Variants in ATAD3A observed in about 807,000 individuals in gnomAD.
ATAD3A encodes the protein ATPase family AAA domain containing 3A, also known as ATPase family AAA domain-containing protein 3A.
ATAD3A carries 46 observed loss-of-function variants against 73.8 expected under a neutral mutation model. That is an observed-to-expected ratio of 0.62 (90% CI 0.49 to 0.80). The LOEUF (loss-of-function observed/expected upper bound fraction) is 0.80. ATAD3A is among the 30% of genes least tolerant of loss of function. ATAD3A has a pLI of 0.00. For missense variants in ATAD3A, 705 were observed against 838.0 expected (o/e 0.84, Z 1.96); for synonymous variants, 319 against 350.0 (o/e 0.91, Z 0.99).
intron 15 of ATAD3A, among the ~76,000 whole-genome samples, chr1:1,532,550 C>T (rs1201183792): frequency 2.6e-5 from 4 of 152,168 alleles, no homozygotes; most frequent in Non-Finnish European, 5.9e-5. Flanking sequence ...CTGGGTTTTG[C>T]CCCAGAATCC....
chr1:1,533,933 C>T lies in ATAD3A; in HGVS notation c.1622C>T (p.Ala541Val), dbSNP rs761817479. The T allele has an allele frequency of 4.5e-5, 72 of 1,612,788 alleles. No homozygotes were observed. The highest frequency in any genetic ancestry group is 1.2e-4 in the South Asian group (11 of 91,060). Residue 541 changes from alanine (A) to valine (V), a missense_variant, in exon 16 of 16, where the codon GCG (alanine) becomes GTG (valine). Physicochemically the swap from Ala to Val is moderately conservative, Grantham distance 64 (BLOSUM62 0). Around this residue, in one of 5 missense-constraint regions of ATAD3A, gnomAD observed 252 missense variants for 278.5 expected, o/e 0.90. Coordinates refer to ENST00000378756, the MANE Select transcript of ATAD3A (RefSeq NM_001170535.3). ...AQLAVSWQAT[A>V]YASEDGVLTE... ...TGCCTCTCTCCCCACTAGGCCACGG[C>T]GTATGCCTCCGAGGACGGGGTCCTG...
intron 1 of ATAD3A, among the ~76,000 whole-genome samples, chr1:1,512,910 C>T (rs1641247393): frequency 6.6e-6 from 1 of 152,126 alleles, no homozygotes; most frequent in Admixed American, 6.5e-5. Context: ...TTACTTGATT[C>T]TAACGAGACT....
At chr1:1,530,405 A>G (rs1324487406) in intron 15 of ATAD3A, among the ~76,000 whole-genome samples, 1 of 152,214 alleles carries the variant, frequency 6.6e-6, no homozygotes, top group East Asian at 1.9e-4. Flanking sequence ...CTGGTGGCAC[A>G]TGCCTGTAAT....
intron 13 of ATAD3A, 86 bp from the exon 14 acceptor site, chr1:1,527,609 C>G: frequency 6.7e-7 from 1 of 1,485,614 alleles, no homozygotes; most frequent in Non-Finnish European, 9.0e-7. Flanking sequence ...TTTAGGTTCT[C>G]CCTGTGGGGG....
chr1:1,516,360 C>T (rs527461767), intron 2 of ATAD3A, among the ~76,000 whole-genome samples: 288 of 152,188 alleles, frequency 1.9e-3, no homozygotes, highest in Non-Finnish European at 2.9e-3. Context: ...TCTGGTCGTC[C>T]GGATGGCCTG....
intron 13 of ATAD3A, chr1:1,527,014 C>T (rs1641871035): frequency 6.9e-6 from 3 of 433,390 alleles, no homozygotes; most frequent in South Asian, 2.1e-5. Context: ...GGTGCACCCT[C>T]CAGGCTTGGG....
At chr1:1,529,866 A>T (rs980474531) in intron 15 of ATAD3A, among the ~76,000 whole-genome samples, 4 of 152,166 alleles carry the variant, frequency 2.6e-5, no homozygotes, top group Admixed American at 6.5e-5. Context: ...GCCAGGACTC[A>T]CAGGAGTGTG....
rs1642141388 is a variant in ATAD3A, at chr1:1,534,156, A to G, written c.*84A>G. The G allele has an allele frequency of 1.9e-6, 3 of 1,603,646 alleles. No individual in the cohort carries two copies. The highest frequency in any genetic ancestry group is 1.7e-6 in the Non-Finnish European group (2 of 1,175,600). On this transcript the variant is annotated 3_prime_UTR_variant, in exon 16 of 16. Coordinates refer to ENST00000378756, the MANE Select transcript of ATAD3A (RefSeq NM_001170535.3). ...TTGCCGGCCCCTGCACATTTAGGAT[A>G]TGCTCCTGGGTGGGGACTGGGCTGT...
intron 4 of ATAD3A, among the ~76,000 whole-genome samples, 189 bp downstream of exon 4, chr1:1,517,964 C>A (rs1178337842): frequency 1.3e-5 from 2 of 151,876 alleles, no homozygotes; most frequent in East Asian, 1.9e-4. Flanking sequence ...CAGACGTGTG[C>A]ACACATGTAC....
rs764981930 is a variant in ATAD3A at position 1,516,119 on chromosome 1, G to A, written c.282+31G>A. 1.1e-5 allele frequency: 18 copies of A among 1,611,988 alleles called. No individual in the cohort carries two copies. The African/African-American group carries it at 1.5e-4, about 13-fold the overall frequency. ...TGGGGCCGGTGTGGGTGGGGAGGCCGGGGCGCACATGGGGTTCGGGCATGG... is the reference window on the plus strand; with the variant it reads ...TGGGGCCGGTGTGGGTGGGGAGGCCAGGGCGCACATGGGGTTCGGGCATGG... On this transcript the variant is annotated intron_variant, in intron 2 of 15. Coordinates refer to ENST00000378756, the MANE Select transcript of ATAD3A (RefSeq NM_001170535.3).
chr1:1,531,109 G>A lies in ATAD3A; in HGVS notation c.1614+1778G>A, dbSNP rs1332034270. 9.9e-5 allele frequency among the ~76,000 whole-genome samples: 15 copies of A among 152,238 alleles called. No individual in the cohort carries two copies. In the East Asian group the frequency reaches 2.3e-3, roughly 24 times the overall value. ...GGAGGCGGAGGATGCGGTGAGCTGA[G>A]ATGGTGCCACTGCCCTCCAGCCTGA... is the stretch of plus-strand genomic sequence containing the variant. On this transcript the variant is annotated intron_variant, in intron 15 of 15. Coordinates refer to ENST00000378756, the MANE Select transcript of ATAD3A (RefSeq NM_001170535.3).
In ATAD3A at chr1:1,523,636, C is replaced by T; in HGVS notation, c.963+69C>T. The T allele has an allele frequency of 1.2e-6, 2 of 1,606,574 alleles. No homozygotes were observed. Among genetic ancestry groups the T allele is most frequent in the Non-Finnish European group, 8.5e-7 (1 of 1,176,722 alleles). ...CCTGGAGCTGGGCCGGGCTGTGGCCCTTGCTGGCGCTCGTGGTGGCACCCA... is the reference window on the plus strand; with the variant it reads ...CCTGGAGCTGGGCCGGGCTGTGGCCTTTGCTGGCGCTCGTGGTGGCACCCA... On this transcript the variant is annotated intron_variant, in intron 9 of 15. Coordinates refer to ENST00000378756, the MANE Select transcript of ATAD3A (RefSeq NM_001170535.3). This position sits in a 1 kb window ranked among gnomAD's most constrained non-coding sequence, Gnocchi z 5.1.
Position 1,520,126 on chromosome 1 carries a change from G to C in ATAD3A, c.515-15G>C. ...GCACTGCATGGTGCTGAGCTGCCCT[G>C]CCTCTCTGGGGCAGCCACCGTGGAG... On this transcript the variant is annotated splice_polypyrimidine_tract_variant and intron_variant, in intron 5 of 15. Coordinates refer to ENST00000378756, the MANE Select transcript of ATAD3A (RefSeq NM_001170535.3). This position sits in a 1 kb window ranked among gnomAD's most constrained non-coding sequence, Gnocchi z 4.0. 6.2e-7 allele frequency: 1 copy of C among 1,607,226 alleles called. No homozygotes were observed. The highest frequency in any genetic ancestry group is 8.5e-7 in the Non-Finnish European group (1 of 1,178,340).
chr1:1,520,569 G>C lies in ATAD3A; in HGVS notation c.702G>C (p.Gly234=). ...GCAGGACGGCTGGCACCTTGTTTGG[G>C]GAAGGATTCCGTGCCTTTGTGACAG... ...ESIRTAGTLF[G]EGFRAFVTDW... Residue 234 remains glycine, a synonymous_variant, in exon 7 of 16, where the codon GGG becomes GGC. Coordinates refer to ENST00000378756, the MANE Select transcript of ATAD3A (RefSeq NM_001170535.3). This position sits in a 1 kb window ranked among gnomAD's most constrained non-coding sequence, Gnocchi z 4.0. 6.2e-7 allele frequency: 1 copy of C among 1,613,942 alleles called. No homozygotes were observed. The highest frequency in any genetic ancestry group is 8.5e-7 in the Non-Finnish European group (1 of 1,179,886).
At chr1:1,525,437 A>G (rs1001007647) in intron 12 of ATAD3A, 146 bp downstream of exon 12, 29 of 1,060,122 alleles carry the variant, frequency 2.7e-5, no homozygotes, top group Non-Finnish European at 3.7e-5. Context: ...TTTTTTGAGA[A>G]GAAATCTCGC....
chr1:1,520,258 T>A lies in ATAD3A; in HGVS notation c.632T>A (p.Ile211Asn). The A allele has an allele frequency of 6.2e-7, 1 of 1,612,924 alleles. No homozygotes were observed. The highest frequency in any genetic ancestry group is 8.5e-7 in the Non-Finnish European group (1 of 1,179,664). Residue 211 changes from isoleucine (I) to asparagine (N), a missense_variant, in exon 6 of 16, where the codon ATC (isoleucine) becomes AAC (asparagine). Around this residue, in one of 5 missense-constraint regions of ATAD3A, gnomAD observed 315 missense variants for 334.1 expected, o/e 0.94. Coordinates refer to ENST00000378756, the MANE Select transcript of ATAD3A (RefSeq NM_001170535.3). This position sits in a 1 kb window ranked among gnomAD's most constrained non-coding sequence, Gnocchi z 4.0. ...AATGCAGACATCATCCGCGAGCAGA[T>A]CCGCCTGAAGGCGGCCGAGCACCGT... The part of the protein sequence containing the change: ...RENADIIREQ[I>N]RLKAAEHRQT...
rs1187881386 is a variant in ATAD3A, at chr1:1,527,805, G to A, written c.1448G>A (p.Arg483His). ...FDLPGQEERE[R>H]LVRMYFDKYV... Reference sequence around the variant, plus strand: ...CTGCCAGGGCAGGAGGAACGGGAGCGCCTGGTGAGAATGTATTTTGACAAG... The same window carrying A: ...CTGCCAGGGCAGGAGGAACGGGAGCACCTGGTGAGAATGTATTTTGACAAG... The change falls in exon 14 of 16, where the codon CGC becomes CAC. Residue 483 changes from arginine to histidine, a missense_variant. Arg to His is a conservative substitution (Grantham distance 29). Transcript: ENST00000378756. The A allele has an allele frequency of 5.6e-6, 9 of 1,613,892 alleles. No individual in the cohort carries two copies. The Admixed American group carries it at 8.3e-5, about 15-fold the overall frequency.
Position 1,522,810 on chromosome 1 carries a change from C to G in ATAD3A, c.817C>G (p.Arg273Gly), listed in dbSNP as rs574343682. The stretch of plus-strand genomic sequence containing the variant: ...CAAGAATGCCACGCTTGTCGCCGGC[C>G]GCTTCATCGAGGCTCGGCTGGGGAA... Reference protein sequence around the residue: ...SAKNATLVAGRFIEARLGKPS... With the variant: ...SAKNATLVAGGFIEARLGKPS... Residue 273 changes from arginine to glycine, a missense_variant, in exon 8 of 16, where the codon CGC (arginine) becomes GGC (glycine). Transcript: ENST00000378756. 1 of 1,611,242 alleles carries G rather than the reference C, an allele frequency of 6.2e-7. No individual in the cohort carries two copies. The highest frequency in any genetic ancestry group is 1.1e-5 in the South Asian group (1 of 91,008).
chr1:1,512,920 T>C (rs2100639329), intron 1 of ATAD3A, among the ~76,000 whole-genome samples: 1 of 152,268 alleles, frequency 6.6e-6, no homozygotes, highest in Non-Finnish European at 1.5e-5. Flanking sequence ...CTAACGAGAC[T>C]AGCAGATTTG....
Sources: allele counts gnomAD v4.1 joint callset (sites outside exome capture counted in the v4.1 genomes callset), GRCh38; gene constraint gnomAD v4.1.1; regional missense constraint gnomAD v4.1.1; non-coding constraint Gnocchi (gnomAD v3.1); transcripts MANE v1.5; gene names NCBI Gene and HGNC (gene_info 2026-07-23, HGNC 2026-07-21).